Variants in TRIM2 observed in about 807,000 individuals in gnomAD.
TRIM2 encodes tripartite motif containing 2, also known as tripartite motif-containing protein 2.
In TRIM2, 20 loss-of-function variants were observed where a neutral mutation model predicts 75.2. The ratio of observed to expected loss-of-function variants is 0.27; its 90% CI spans 0.19 to 0.39. TRIM2 has a LOEUF of 0.39. Ranked by LOEUF, TRIM2 falls within the 10% of genes least tolerant of loss-of-function variation. TRIM2 has a pLI of 1.00. For missense variants in TRIM2, 660 were observed against 990.8 expected, an observed-to-expected ratio of 0.67 and a Z score of 4.48; for synonymous variants, 373 against 388.3, an observed-to-expected ratio of 0.96 and a Z score of 0.46.
In TRIM2 at chr4:153,335,166, ACT is replaced by A. The variant is rs1458416489; in HGVS notation, c.*203_*204del. The A allele has an allele frequency of 4.8e-6, 6 of 1,261,276 alleles. No individual in the cohort carries two copies. Among genetic ancestry groups the A allele is most frequent in the South Asian group, 6.2e-5 (2 of 32,114 alleles). The allele number at this position is 1,261,276 out of a possible 1,614,324, so 78.1% of individuals were successfully genotyped here. ...TATTTCACCTTTAGGGTTAAAAAAAACTCTTCTACTGAATCTATAAAAACTGC... is the reference window on the plus strand; with the variant it reads ...TATTTCACCTTTAGGGTTAAAAAAAACTTCTACTGAATCTATAAAAACTGC... On this transcript the variant is annotated 3_prime_UTR_variant, in exon 12 of 12. Transcript: ENST00000338700.
intron 3 of TRIM2, among the ~76,000 whole-genome samples, chr4:153,283,195 A>G (rs1759757942): frequency 6.6e-6 from 1 of 152,118 alleles, no homozygotes; most frequent in Non-Finnish European, 1.5e-5. Context: ...AAGAAACTCC[A>G]TGCCCTTTAA....
Position 153,220,896 on chromosome 4 carries a change from G to A in TRIM2, c.30+16336G>A, listed in dbSNP as rs1333523985. Among the ~76,000 whole-genome samples, 3 of 152,060 alleles carry A rather than the reference G, an allele frequency of 2.0e-5. No individual in the cohort carries two copies. In the South Asian group the frequency reaches 6.2e-4, roughly 32 times the overall value. The stretch of plus-strand genomic sequence containing the variant: ...ACCCTCATACATTACTTGTGGTAGT[G>A]TAAAATGGTGTAACTGCTTTGGAAA... On this transcript the variant is annotated intron_variant, in intron 1 of 11. Transcript: ENST00000338700.
intron 1 of TRIM2, among the ~76,000 whole-genome samples, chr4:153,262,132 A>G (rs951242222): frequency 6.6e-6 from 1 of 152,218 alleles, no homozygotes; most frequent in East Asian, 1.9e-4. Flanking sequence ...TAATTGCCCA[A>G]TAGTTCTTCT....
At chr4:153,251,169 T>C (rs915269005) in intron 1 of TRIM2, among the ~76,000 whole-genome samples, 1 of 152,242 alleles carries the variant, frequency 6.6e-6, no homozygotes, top group Non-Finnish European at 1.5e-5. Context: ...CTGACAGTCC[T>C]GTTTGTCCTT....
intron 1 of TRIM2, among the ~76,000 whole-genome samples, chr4:153,204,853 A>T (rs901488907): frequency 6.6e-6 from 1 of 152,092 alleles, no homozygotes; most frequent in South Asian, 2.1e-4. Context: ...ATGTTGTGAG[A>T]CTCAAATGCT....
At chr4:153,281,861 T>G (rs1759415124) in intron 3 of TRIM2, among the ~76,000 whole-genome samples, 1 of 152,238 alleles carries the variant, frequency 6.6e-6, no homozygotes. Flanking sequence ...CAAATGATCA[T>G]TAAACCCTGT....
At chr4:153,304,474 G>A (rs1454359788) in intron 6 of TRIM2, among the ~76,000 whole-genome samples, 1 of 152,126 alleles carries the variant, frequency 6.6e-6, no homozygotes, top group East Asian at 1.9e-4. Flanking sequence ...TCAGATGGAA[G>A]GAGGAAAAGA....
intron 8 of TRIM2, among the ~76,000 whole-genome samples, chr4:153,320,426 G>A (rs1285207129): frequency 2.6e-5 from 4 of 152,148 alleles, no homozygotes; most frequent in African/African-American, 9.7e-5. Flanking sequence ...CTATCAGACA[G>A]CACTAATATA....
chr4:153,286,371 A>T (rs912692104), intron 3 of TRIM2, among the ~76,000 whole-genome samples: 20 of 150,966 alleles, frequency 1.3e-4, no homozygotes, highest in African/African-American at 4.4e-4. Flanking sequence ...AATCTCTTCT[A>T]TTTTTTTTTA....
At chr4:153,185,791 G>A (rs1008608049) in intron 1 of TRIM2, among the ~76,000 whole-genome samples, 1 of 152,190 alleles carries the variant, frequency 6.6e-6, no homozygotes, top group Non-Finnish European at 1.5e-5. Flanking sequence ...GGAGCACTGA[G>A]AAACCAGAAG....
chr4:153,285,178 A>G (rs1222501334), intron 3 of TRIM2, among the ~76,000 whole-genome samples: 1 of 152,204 alleles, frequency 6.6e-6, no homozygotes, highest in Non-Finnish European at 1.5e-5. Flanking sequence ...CCTCAGCATA[A>G]TATGTTGAAA....
At chr4:153,276,793 C>G (rs1253675978) in intron 3 of TRIM2, among the ~76,000 whole-genome samples, 1 of 152,194 alleles carries the variant, frequency 6.6e-6, no homozygotes, top group East Asian at 1.9e-4. Context: ...AACTTATTCC[C>G]TGTGCCAGCT....
chr4:153,193,195 G>A (rs976923474), intron 1 of TRIM2, among the ~76,000 whole-genome samples: 4 of 144,136 alleles, frequency 2.8e-5, no homozygotes, highest in South Asian at 4.4e-4. Flanking sequence ...GAAGTGTCGC[G>A]ATCTCAGCTC....
intron 1 of TRIM2, among the ~76,000 whole-genome samples, chr4:153,153,540 C>T (rs903927461): frequency 1.3e-5 from 2 of 152,350 alleles, no homozygotes; most frequent in East Asian, 1.9e-4. Context: ...GGGATCCACA[C>T]ACAAAGGAAA....
At chr4:153,290,974 A>G (rs1483602548) in intron 3 of TRIM2, among the ~76,000 whole-genome samples, 1 of 152,110 alleles carries the variant, frequency 6.6e-6, no homozygotes, top group Non-Finnish European at 1.5e-5. Flanking sequence ...ATTTCCAGTT[A>G]ATGTTTCAAG....
chr4:153,163,635 G>A (rs977977047), intron 1 of TRIM2, among the ~76,000 whole-genome samples: 18 of 150,128 alleles, frequency 1.2e-4, no homozygotes, highest in African/African-American at 4.4e-4. Context: ...CGGAGTAGCT[G>A]GGATTACAGG....
intron 10 of TRIM2, 112 bp downstream of exon 10, chr4:153,324,260 G>GAGT: frequency 1.2e-6 from 1 of 863,012 alleles, no homozygotes; most frequent in South Asian, 1.7e-5. Flanking sequence ...TTAACCAGCA[G>GAGT]AGTAGACTTT....
At chr4:153,225,807 A>G (rs555690970) in intron 1 of TRIM2, among the ~76,000 whole-genome samples, 2 of 152,324 alleles carry the variant, frequency 1.3e-5, no homozygotes, top group Non-Finnish European at 2.9e-5. Flanking sequence ...AATATTTTGT[A>G]TTACTAATAT....
upstream of TRIM2, among the ~76,000 whole-genome samples, chr4:153,203,515 T>C (rs555294445): frequency 1.7e-4 from 26 of 150,786 alleles, no homozygotes; most frequent in South Asian, 3.4e-3. Flanking sequence ...GTTCTAAAGA[T>C]GTACCAATCT....
Sources: allele counts gnomAD v4.1 joint callset (sites outside exome capture counted in the v4.1 genomes callset), GRCh38; gene constraint gnomAD v4.1.1; transcripts MANE v1.5; gene names NCBI Gene and HGNC (gene_info 2026-07-23, HGNC 2026-07-21).